The following ADAMTS20 variants were observed in gnomAD, a reference collection of about 807,000 sequenced individuals.
The protein encoded by ADAMTS20 is ADAM metallopeptidase with thrombospondin type 1 motif 20.
Under a neutral mutation model 260.1 loss-of-function variants are expected in ADAMTS20, and 225 were observed. The ratio of observed to expected loss-of-function variants is 0.87; its 90% CI spans 0.78 to 0.97. The LOEUF is 0.97. Ranked by LOEUF, ADAMTS20 falls within the 50% of genes least tolerant of loss-of-function variation. The pLI, the probability that ADAMTS20 is intolerant of heterozygous loss-of-function variation, is 0.00. For missense variants in ADAMTS20, 2,400 were observed against 2,337.7 expected, an observed-to-expected ratio of 1.03 and a Z score of -0.55; for synonymous variants, 802 against 769.5, an observed-to-expected ratio of 1.04 and a Z score of -0.70.
intron 31 of ADAMTS20, among the ~76,000 whole-genome samples, chr12:43,379,494 C>A (rs1468753754): frequency 6.6e-6 from 1 of 152,038 alleles, no homozygotes; most frequent in Non-Finnish European, 1.5e-5. Flanking sequence ...AGGCTCTACA[C>A]AAGCAGAAAG....
At chr12:43,531,034 C>T (rs975081965) in intron 3 of ADAMTS20, among the ~76,000 whole-genome samples, 2 of 151,924 alleles carry the variant, frequency 1.3e-5, no homozygotes, top group African/African-American at 4.8e-5. Flanking sequence ...AGAATATTTA[C>T]AGCAGCATTG....
Position 43,532,075 on chromosome 12 carries a change from T to C in ADAMTS20, c.574A>G (p.Asn192Asp). 6.2e-7 allele frequency: 1 copy of C among 1,606,918 alleles called. No individual in the cohort carries two copies. The highest frequency in any genetic ancestry group is 8.5e-7 in the Non-Finnish European group (1 of 1,176,274). ...PHLIYRQDLN[N>D]SFLQTLKYCS... is the part of the protein sequence containing the mutation. ...TACTTCAGAGTCTGCAGAAAAGAGT[T>C]ATTTAAGTCTTGTCTGTATATAAGA... is the stretch of plus-strand genomic sequence containing the variant. The change falls in exon 3 of 39, where the codon AAC becomes GAC. Residue 192 changes from asparagine (N) to aspartate (D), a missense_variant. By Grantham distance (23) the Asn-to-Asp change is conservative. Transcript: ENST00000389420.
At chr12:43,494,379 A>T (rs1220304682) in intron 4 of ADAMTS20, among the ~76,000 whole-genome samples, 3 of 152,236 alleles carry the variant, frequency 2.0e-5, no homozygotes, top group Admixed American at 1.3e-4. Flanking sequence ...GCTTCACCAC[A>T]ACATATAACA....
At chr12:43,395,531 T>C (rs1940682355) in intron 29 of ADAMTS20, among the ~76,000 whole-genome samples, 1 of 151,936 alleles carries the variant, frequency 6.6e-6, no homozygotes, top group African/African-American at 2.4e-5. Flanking sequence ...GGGCAGCAGA[T>C]TTGTGGGATT....
intron 29 of ADAMTS20, among the ~76,000 whole-genome samples, chr12:43,385,861 C>G (rs1940460811): frequency 6.6e-6 from 1 of 152,232 alleles, no homozygotes; most frequent in East Asian, 1.9e-4. Context: ...AGGGATTTGA[C>G]TTCTTCCTGG....
intron 2 of ADAMTS20, among the ~76,000 whole-genome samples, chr12:43,542,417 T>C (rs1306322872): frequency 6.6e-6 from 1 of 152,226 alleles, no homozygotes; most frequent in Non-Finnish European, 1.5e-5. Flanking sequence ...CCAGACCACC[T>C]GTAATATTTG....
intron 11 of ADAMTS20, among the ~76,000 whole-genome samples, chr12:43,460,288 A>G (rs1379328658): frequency 1.3e-5 from 2 of 152,214 alleles, no homozygotes; most frequent in Non-Finnish European, 2.9e-5. Context: ...TGCCTATCCT[A>G]CCATCTCATT....
chr12:43,402,021 C>T (rs1940820128), intron 28 of ADAMTS20, among the ~76,000 whole-genome samples: 2 of 151,944 alleles, frequency 1.3e-5, no homozygotes, highest in African/African-American at 4.8e-5. Flanking sequence ...AATTCAATCC[C>T]ATGTCTAGGG....
intron 11 of ADAMTS20, among the ~76,000 whole-genome samples, chr12:43,455,084 A>T (rs11611730): frequency 0.024 from 3,657 of 152,284 alleles, 68 homozygotes; most frequent in East Asian, 0.079. Flanking sequence ...GGTAACCACC[A>T]TTCTACTTTC....
At chr12:43,488,267 TG>T (rs1168508568) in intron 7 of ADAMTS20, among the ~76,000 whole-genome samples, 2 of 152,248 alleles carry the variant, frequency 1.3e-5, no homozygotes, top group Admixed American at 1.3e-4. Flanking sequence ...TAAACTTATG[TG>T]TTATATGGTT....
Position 43,428,809 on chromosome 12 carries a change from A to T in ADAMTS20, c.3490-10T>A. On this transcript the variant is annotated splice_polypyrimidine_tract_variant and intron_variant, in intron 24 of 38. Coordinates refer to ENST00000389420, the MANE Select transcript of ADAMTS20 (RefSeq NM_025003.5). ...CACAAGATACGGAGCACTTTTTAAG[A>T]AATCAAATTGTATCCGGGCATTATA... 1 of 1,597,574 alleles carries T rather than the reference A, an allele frequency of 6.3e-7. No individual in the cohort carries two copies. Among genetic ancestry groups the T allele is most frequent in the Non-Finnish European group, 8.5e-7 (1 of 1,170,138 alleles).
intron 3 of ADAMTS20, among the ~76,000 whole-genome samples, chr12:43,502,662 A>ACC (rs1177151620): frequency 6.6e-6 from 1 of 152,134 alleles, no homozygotes; most frequent in Admixed American, 6.5e-5. Context: ...TCTAAGTCAT[A>ACC]TTTGAAAAGG....
At chr12:43,491,755 T>TAAA (rs1942603407) in intron 6 of ADAMTS20, among the ~76,000 whole-genome samples, 1 of 152,082 alleles carries the variant, frequency 6.6e-6, no homozygotes, top group African/African-American at 2.4e-5. Flanking sequence ...TAAACAGATT[T>TAAA]TTAAAAGGAA....
chr12:43,367,042 AAG>A (rs1940001729), intron 37 of ADAMTS20, among the ~76,000 whole-genome samples: 2 of 152,112 alleles, frequency 1.3e-5, no homozygotes, highest in East Asian at 1.9e-4. Context: ...ATAATAAATA[AAG>A]AGAGTAAATT....
chr12:43,497,289 C>G (rs1436245491), intron 4 of ADAMTS20, among the ~76,000 whole-genome samples: 1 of 152,104 alleles, frequency 6.6e-6, no homozygotes, highest in Non-Finnish European at 1.5e-5. Context: ...GCAAAATATA[C>G]TTCATACAAA....
At chr12:43,521,647 T>C (rs569167948) in intron 3 of ADAMTS20, among the ~76,000 whole-genome samples, 2 of 152,358 alleles carry the variant, frequency 1.3e-5, no homozygotes, top group South Asian at 4.1e-4. Flanking sequence ...AAATATTTTT[T>C]AAAGCAAATT....
Position 43,432,761 on chromosome 12 carries a change from T to A in ADAMTS20, c.2771A>T (p.Tyr924Phe). Residue 924 changes from tyrosine (Y) to phenylalanine (F), a missense_variant, in exon 20 of 39, where the codon TAT becomes TTT. Physicochemically the swap from Tyr to Phe is conservative, Grantham distance 22. Coordinates refer to ENST00000389420, the MANE Select transcript of ADAMTS20 (RefSeq NM_025003.5). Reference protein sequence around the residue: ...SECSSQCGQGYRTLDIHCMKY... With the variant: ...SECSSQCGQGFRTLDIHCMKY... ...CATGCAATGGATGTCCAAGGTTCTA[T>A]ATCCTTGACCACATTGGGATGAACA... The A allele has an allele frequency of 6.2e-7, 1 of 1,614,016 alleles. No homozygotes were observed. The highest frequency in any genetic ancestry group is 2.2e-5 in the East Asian group (1 of 44,872).
At chr12:43,379,571 C>T (rs982354978) in intron 31 of ADAMTS20, among the ~76,000 whole-genome samples, 1 of 152,246 alleles carries the variant, frequency 6.6e-6, no homozygotes, top group South Asian at 2.1e-4. Context: ...TCCCAACCCC[C>T]CAACACACAG....
chr12:43,411,290 TAAG>T (rs943611594), intron 28 of ADAMTS20, among the ~76,000 whole-genome samples: 13 of 152,194 alleles, frequency 8.5e-5, no homozygotes, highest in African/African-American at 3.1e-4. Context: ...ATGAAACCTT[TAAG>T]TTTTCCCCAG....
Sources: gnomAD v4.1 joint callset for allele counts (sites outside exome capture counted in the v4.1 genomes callset) on GRCh38, gnomAD v4.1.1 for gene constraint, MANE v1.5 for transcripts, NCBI Gene and HGNC (gene_info 2026-07-23, HGNC 2026-07-21) for gene names.